Variants in AMPH observed in about 807,000 individuals in gnomAD.
The protein encoded by AMPH is amphiphysin, also known as amphiphysin (Stiff-Mann syndrome with breast cancer 128kD autoantigen).
A neutral mutation model predicts 99.1 loss-of-function variants in AMPH; 49 were observed. The observed-to-expected ratio is 0.49, with a 90% confidence interval of 0.39 to 0.63. AMPH has a LOEUF of 0.63. Ranked by LOEUF, AMPH falls within the 20% of genes least tolerant of loss-of-function variation. AMPH has a pLI of 0.00. For synonymous variants in AMPH, 314 were observed against 317.3 expected, an observed-to-expected ratio of 0.99 and a Z score of 0.11; for missense variants, 759 against 863.4, an observed-to-expected ratio of 0.88 and a Z score of 1.52.
At chr7:38,589,233 C>G (rs193235864) in intron 1 of AMPH, among the ~76,000 whole-genome samples, 2 of 152,290 alleles carry the variant, frequency 1.3e-5, no homozygotes, top group South Asian at 2.1e-4. Context: ...AAAGAACAAG[C>G]AATATCCTTT....
At chr7:38,460,413 A>G (rs1487392624) in intron 11 of AMPH, among the ~76,000 whole-genome samples, 1 of 152,216 alleles carries the variant, frequency 6.6e-6, no homozygotes, top group Non-Finnish European at 1.5e-5. Flanking sequence ...AGCACTATTG[A>G]TAACAGTAAA....
chr7:38,609,717 C>T (rs1383271693), intron 1 of AMPH, among the ~76,000 whole-genome samples: 1 of 149,280 alleles, frequency 6.7e-6, no homozygotes, highest in African/African-American at 2.5e-5. Context: ...TGTATATATA[C>T]ATTTAAATAG....
intron 20 of AMPH, among the ~76,000 whole-genome samples, chr7:38,388,968 T>C (rs1429158909): frequency 6.6e-6 from 1 of 152,192 alleles, no homozygotes; most frequent in Non-Finnish European, 1.5e-5. Context: ...AAATTTCCAA[T>C]CTATTTTATT....
intron 11 of AMPH, among the ~76,000 whole-genome samples, chr7:38,445,942 C>CCT (rs59692861): frequency 0.3 from 45,967 of 151,730 alleles, 7,400 homozygotes; most frequent in South Asian, 0.41. Flanking sequence ...ACACCTCCCT[C>CCT]CTCTCTCTCT....
chr7:38,620,046 C>T (rs895092995), intron 1 of AMPH, among the ~76,000 whole-genome samples: 25 of 150,112 alleles, frequency 1.7e-4, no homozygotes, highest in Admixed American at 4.6e-4. Context: ...GGACCATCTA[C>T]GCTATTTAAA....
At chr7:38,477,923 AG>A (rs35056591) in intron 5 of AMPH, among the ~76,000 whole-genome samples, 7,492 of 152,180 alleles carry the variant, frequency 0.049, 426 homozygotes, top group East Asian at 0.29. Flanking sequence ...GGGGCATAAA[AG>A]CTTCCTAGGC....
chr7:38,495,465 G>C (rs1016868917), intron 3 of AMPH, among the ~76,000 whole-genome samples: 2 of 152,142 alleles, frequency 1.3e-5, no homozygotes, highest in Admixed American at 1.3e-4. Context: ...TATCATCGCA[G>C]GGTGCACTTA....
intron 5 of AMPH, among the ~76,000 whole-genome samples, chr7:38,480,392 G>A (rs570708819): frequency 6.6e-6 from 1 of 152,064 alleles, no homozygotes; most frequent in East Asian, 1.9e-4. Flanking sequence ...TGCACCACGG[G>A]TTCTTTGCTC....
At position 38,503,673 on chromosome 7, in the gene AMPH, C is replaced by T. The variant is rs760489841; in HGVS notation, c.182G>A (p.Arg61Gln). The change falls in exon 3 of 21, where the codon CGA becomes CAA. Residue 61 changes from arginine to glutamine, a missense_variant. Physicochemically the swap from Arg to Gln is conservative, Grantham distance 43. Transcript: ENST00000356264. The part of the protein sequence containing the change: ...AEGTRLQREL[R>Q]GYLAAIKGMQ... ...ACCTTTGATTGCTGCTAAATATCCTCGGAGTTCTCGCTGAAGTCTGGTACC... is the reference window on the plus strand; with the variant it reads ...ACCTTTGATTGCTGCTAAATATCCTTGGAGTTCTCGCTGAAGTCTGGTACC... 20 of 1,613,898 alleles carry T rather than the reference C, an allele frequency of 1.2e-5. No homozygotes were observed. Among genetic ancestry groups the T allele is most frequent in the Middle Eastern group, 1.6e-4 (1 of 6,080 alleles).
chr7:38,526,240 C>T (rs993203789), intron 2 of AMPH, among the ~76,000 whole-genome samples: 1 of 150,944 alleles, frequency 6.6e-6, no homozygotes, highest in African/African-American at 2.4e-5. Context: ...CACATATCTA[C>T]TGCAATAAAA....
intron 11 of AMPH, among the ~76,000 whole-genome samples, chr7:38,446,674 G>A (rs999460191): frequency 3.9e-5 from 6 of 152,108 alleles, no homozygotes; most frequent in Admixed American, 2.6e-4. Flanking sequence ...TAAACTTCTT[G>A]GGGTGACATA....
At chr7:38,450,141 A>G (rs1438560699) in intron 11 of AMPH, among the ~76,000 whole-genome samples, 2 of 152,216 alleles carry the variant, frequency 1.3e-5, no homozygotes, top group African/African-American at 4.8e-5. Context: ...AGGCATTCCT[A>G]TGGCGTGATA....
chr7:38,395,883 T>C (rs186798395), intron 17 of AMPH, among the ~76,000 whole-genome samples: 1 of 152,354 alleles, frequency 6.6e-6, no homozygotes, highest in Non-Finnish European at 1.5e-5. Context: ...AAAACGTTTC[T>C]GCTGGCTCAA....
At chr7:38,487,654 A>C (rs949628211) in intron 5 of AMPH, among the ~76,000 whole-genome samples, 8 of 152,204 alleles carry the variant, frequency 5.3e-5, no homozygotes, top group Non-Finnish European at 1.2e-4. Context: ...AATTGCAACA[A>C]AAGCCAAAAT....
chr7:38,582,053 CA>C (rs1220100732), intron 1 of AMPH, among the ~76,000 whole-genome samples: 2 of 151,976 alleles, frequency 1.3e-5, no homozygotes, highest in Non-Finnish European at 2.9e-5. Flanking sequence ...TATATAAAAA[CA>C]TGAGGTTGAA....
chr7:38,439,113 C>G (rs575679787), intron 11 of AMPH, among the ~76,000 whole-genome samples: 2 of 152,206 alleles, frequency 1.3e-5, no homozygotes, highest in African/African-American at 4.8e-5. Context: ...TGTCTCTCTC[C>G]TGCCACCATT....
intron 4 of AMPH, among the ~76,000 whole-genome samples, chr7:38,493,294 G>A (rs1341727337): frequency 6.6e-6 from 1 of 152,148 alleles, no homozygotes; most frequent in Non-Finnish European, 1.5e-5. Context: ...ACCTGGAGTA[G>A]AGGACATGAC....
chr7:38,621,797 C>T (rs763152885), intron 1 of AMPH, among the ~76,000 whole-genome samples: 7 of 152,174 alleles, frequency 4.6e-5, no homozygotes, highest in African/African-American at 1.7e-4. Flanking sequence ...ATGATTATCA[C>T]ATAGCAAATA....
chr7:38,465,684 G>T, intron 8 of AMPH, 135 bp from the exon 9 acceptor site: 1 of 723,754 alleles, frequency 1.4e-6, no homozygotes. Context: ...CAGGATAACT[G>T]AAATTCTGTA....
Sources: allele counts gnomAD v4.1 joint callset (sites outside exome capture counted in the v4.1 genomes callset), GRCh38; gene constraint gnomAD v4.1.1; transcripts MANE v1.5; gene names NCBI Gene and HGNC (gene_info 2026-07-23, HGNC 2026-07-21).